Variants in NRXN1 observed in about 807,000 individuals in gnomAD.
NRXN1 encodes neurexin 1, also known as neurexin-1.
Under a neutral mutation model 150.9 loss-of-function variants are expected in NRXN1, and 39 were observed. The observed-to-expected ratio is 0.26, with a 90% CI of 0.20 to 0.34. The LOEUF is 0.34. NRXN1 is among the 10% of genes least tolerant of loss of function. The pLI is 1.00. For missense variants in NRXN1, 1,815 were observed against 1,949.9 expected (o/e 0.93, Z 1.30); for synonymous variants, 924 against 757.0 (o/e 1.22, Z -3.62).
chr2:50,070,214 TAGAG>T (rs1696040844), intron 19 of NRXN1, among the ~76,000 whole-genome samples: 1 of 152,072 alleles, frequency 6.6e-6, no homozygotes, highest in South Asian at 2.1e-4. Context: ...TACTAGGAAA[TAGAG>T]AAGTTTGTCT....
At chr2:50,774,804 C>G (rs1326676692) in intron 5 of NRXN1, among the ~76,000 whole-genome samples, 1 of 151,988 alleles carries the variant, frequency 6.6e-6, no homozygotes, top group Non-Finnish European at 1.5e-5. Flanking sequence ...TTTTTTCTTA[C>G]CATTTATGAA....
chr2:50,012,885 C>T (rs1344433130), intron 21 of NRXN1, among the ~76,000 whole-genome samples: 1 of 152,024 alleles, frequency 6.6e-6, no homozygotes, highest in Non-Finnish European at 1.5e-5. Context: ...GGATTGCACT[C>T]CTGAAGTATT....
intron 18 of NRXN1, among the ~76,000 whole-genome samples, chr2:50,178,303 G>C (rs2060475507): frequency 6.6e-6 from 1 of 151,890 alleles, no homozygotes. Flanking sequence ...TGCTCAATCT[G>C]GTCTATCCAA....
intron 5 of NRXN1, among the ~76,000 whole-genome samples, chr2:50,828,789 C>G (rs1044421954): frequency 3.9e-5 from 6 of 151,948 alleles, no homozygotes; most frequent in African/African-American, 1.4e-4. Context: ...AGACGATAGG[C>G]GGCCAGGCAG....
chr2:50,839,284 T>A (rs946936699), intron 5 of NRXN1, among the ~76,000 whole-genome samples: 11 of 152,184 alleles, frequency 7.2e-5, no homozygotes, highest in African/African-American at 2.7e-4. Context: ...TTTTATCTCA[T>A]GATCCCTTTA....
intron 18 of NRXN1, among the ~76,000 whole-genome samples, chr2:50,181,046 C>T (rs963434688): frequency 6.6e-6 from 1 of 151,832 alleles, no homozygotes; most frequent in Non-Finnish European, 1.5e-5. Flanking sequence ...TTTATAATTA[C>T]AATAATTTTT....
At chr2:50,196,954 G>A (rs189498148) in intron 18 of NRXN1, among the ~76,000 whole-genome samples, 1 of 152,224 alleles carries the variant, frequency 6.6e-6, no homozygotes, top group Admixed American at 6.5e-5. Context: ...ACAACTGTCG[G>A]GTACTGGGCT....
chr2:50,532,980 T>C (rs1558893073), intron 10 of NRXN1, among the ~76,000 whole-genome samples: 1 of 152,216 alleles, frequency 6.6e-6, no homozygotes, highest in Non-Finnish European at 1.5e-5. Flanking sequence ...TTACACAGCA[T>C]AGCAATTAAG....
intron 17 of NRXN1, among the ~76,000 whole-genome samples, chr2:50,271,796 G>T (rs914496245): frequency 6.6e-6 from 1 of 151,944 alleles, no homozygotes; most frequent in Non-Finnish European, 1.5e-5. Flanking sequence ...TACAATAATG[G>T]TACTTTCCTT....
intron 5 of NRXN1, among the ~76,000 whole-genome samples, chr2:50,909,706 C>T (rs1684256490): frequency 6.6e-6 from 1 of 151,916 alleles, no homozygotes; most frequent in Admixed American, 6.6e-5. Context: ...CTCCAAAACA[C>T]ACCCAAAAAG....
Position 50,898,510 on chromosome 2 carries a change from T to G in NRXN1, c.832+23359A>C, listed in dbSNP as rs1015946115. ...ATTGGTTACCAATAATTATAACACA[T>G]TTTTATGAAATGTCAAATAAAAGAC... On this transcript the variant is annotated intron_variant, in intron 5 of 22. Transcript: ENST00000401669. 1.5e-4 allele frequency: 62 copies of G among 402,486 alleles called. 1 individual carries two copies. The highest frequency in any genetic ancestry group is 8.3e-4 in the Admixed American group (25 of 30,036). 24.9% of individuals were successfully genotyped at this position (402,486 alleles called of 1,614,324 possible). A position where few individuals can be genotyped will look rare whatever the true frequency, so the allele number is the denominator to read the frequency against.
Position 50,178,753 on chromosome 2 carries a change from C to T in NRXN1, c.3546+58036G>A, listed in dbSNP as rs535670294. Among the ~76,000 whole-genome samples, 17 of 152,080 alleles carry T rather than the reference C, an allele frequency of 1.1e-4. No individual in the cohort carries two copies. In the South Asian group the frequency reaches 3.3e-3, roughly 30 times the overall value. ...CACACCCCTGCTGTATAATACATAC[C>T]ATAAAGTATTATTACAAGATTTAAA... is the stretch of plus-strand genomic sequence containing the variant. On this transcript the variant is annotated intron_variant, in intron 18 of 22. Transcript: ENST00000401669.
chr2:49,935,620 G>A (rs2241752), intron 22 of NRXN1, among the ~76,000 whole-genome samples: 26,399 of 152,090 alleles, frequency 0.17, 2,552 homozygotes, highest in East Asian at 0.3. Flanking sequence ...GCCCCTTGGA[G>A]CATATGTGCC....
intron 2 of NRXN1, among the ~76,000 whole-genome samples, chr2:50,985,624 G>T (rs995709263): frequency 6.6e-6 from 1 of 151,430 alleles, no homozygotes. Flanking sequence ...AGGATCCAAG[G>T]AAGAAGATAA....
At chr2:50,974,879 T>C (rs1013277197) in intron 2 of NRXN1, among the ~76,000 whole-genome samples, 1 of 152,130 alleles carries the variant, frequency 6.6e-6, no homozygotes, top group African/African-American at 2.4e-5. Flanking sequence ...TCCCTTACTA[T>C]ATAAAATGTA....
chr2:50,821,684 A>G (rs2105828918), intron 5 of NRXN1, among the ~76,000 whole-genome samples: 1 of 152,310 alleles, frequency 6.6e-6, no homozygotes, highest in East Asian at 1.9e-4. Flanking sequence ...TATCCATTAC[A>G]AAGCATTAGA....
At chr2:50,916,022 T>C (rs963043017) in intron 5 of NRXN1, among the ~76,000 whole-genome samples, 5 of 145,258 alleles carry the variant, frequency 3.4e-5, no homozygotes, top group African/African-American at 7.7e-5. Context: ...CAAATGAAAA[T>C]CTTGATAATG....
intron 8 of NRXN1, among the ~76,000 whole-genome samples, chr2:50,594,276 T>C (rs1674789756): frequency 6.6e-6 from 1 of 152,254 alleles, no homozygotes; most frequent in African/African-American, 2.4e-5. Context: ...TTTTTAAATG[T>C]ATGCTCGCAT....
At chr2:50,620,371 G>T (rs991273942) in intron 7 of NRXN1, among the ~76,000 whole-genome samples, 188 bp from the exon 8 acceptor site, 1 of 151,982 alleles carries the variant, frequency 6.6e-6, no homozygotes, top group African/African-American at 2.4e-5. Context: ...TCTGTTTGAG[G>T]TTTATTCTTA....
Sources: allele counts gnomAD v4.1 joint callset (sites outside exome capture counted in the v4.1 genomes callset), GRCh38; gene constraint gnomAD v4.1.1; transcripts MANE v1.5; gene names NCBI Gene and HGNC (gene_info 2026-07-23, HGNC 2026-07-21).